Variants in TTC39A observed in about 807,000 individuals in gnomAD.
The protein encoded by TTC39A is tetratricopeptide repeat protein 39A.
TTC39A carries 46 observed loss-of-function variants against 82.3 expected under a neutral mutation model. The observed-to-expected ratio is 0.56, with a 90% CI of 0.44 to 0.71. The LOEUF (loss-of-function observed/expected upper bound fraction) is 0.71, where lower values mean the gene tolerates loss of function less well. Among genes scored for constraint, TTC39A ranks in the 30% least tolerant of loss-of-function variants. The pLI, the probability that TTC39A is intolerant of heterozygous loss-of-function variation, is 0.00. For missense variants in TTC39A, 543 were observed against 712.9 expected, an observed-to-expected ratio of 0.76 and a Z score of 2.71; for synonymous variants, 254 against 275.2, an observed-to-expected ratio of 0.92 and a Z score of 0.76.
At chr1:51,333,499 G>A (rs1462941460), upstream of TTC39A, among the ~76,000 whole-genome samples, 1 of 152,260 alleles carries the variant, frequency 6.6e-6, no homozygotes, top group African/African-American at 2.4e-5. Context: ...AGCTGTATTA[G>A]CTCCAGAGTA....
intron 1 of TTC39A, chr1:51,325,883 G>C (rs1645694542): frequency 6.6e-6 from 1 of 152,308 alleles, no homozygotes; most frequent in Non-Finnish European, 1.5e-5. Flanking sequence ...TGGACAGTCA[G>C]TGCAGACAGG....
intron 12 of TTC39A, chr1:51,298,490 C>T (rs1381169838): frequency 6.5e-6 from 1 of 152,826 alleles, no homozygotes; most frequent in African/African-American, 2.4e-5. Flanking sequence ...GGCTCATCTC[C>T]AAGAGTCTTC....
chr1:51,305,893 T>C, intron 7 of TTC39A, 84 bp downstream of exon 7: 2 of 1,363,238 alleles, frequency 1.5e-6, no homozygotes, highest in Admixed American at 1.7e-5. Context: ...CAGGGGCACT[T>C]GGCAGTGACC....
chr1:51,312,805 C>T lies in TTC39A; in HGVS notation c.278+7G>A, dbSNP rs772789831. 1.9e-6 allele frequency: 3 copies of T among 1,612,878 alleles called. No homozygotes were observed. The highest frequency in any genetic ancestry group is 4.5e-5 in the East Asian group (2 of 44,866). ...AACCTCTGATCCCTGCCCCCAATGCCCCCAACCTCTGACACAGCATCTGTG... is the reference window on the plus strand; with the variant it reads ...AACCTCTGATCCCTGCCCCCAATGCTCCCAACCTCTGACACAGCATCTGTG... On this transcript the variant is annotated splice_region_variant and intron_variant, in intron 3 of 17. Transcript: ENST00000680483.
chr1:51,317,978 G>GTT (rs1645356408), intron 2 of TTC39A, among the ~76,000 whole-genome samples: 1 of 152,186 alleles, frequency 6.6e-6, no homozygotes, highest in Non-Finnish European at 1.5e-5. Context: ...GGGCCACAGA[G>GTT]GGAAAAGCCC....
rs1386266656 is a variant in TTC39A, at chr1:51,322,076, A to G, written c.42-251T>C. 2.6e-6 allele frequency: 4 copies of G among 1,545,900 alleles called. No individual in the cohort carries two copies. In the African/African-American group the frequency reaches 4.1e-5, roughly 16 times the overall value. On this transcript the variant is annotated intron_variant, in intron 1 of 17. Transcript: ENST00000680483. ...ATCTGTTGGAGGTGGGGGAGGGGCCAAGGGCAAGGTGCAAAGAGGCCTCAG... is the reference window on the plus strand; with the variant it reads ...ATCTGTTGGAGGTGGGGGAGGGGCCGAGGGCAAGGTGCAAAGAGGCCTCAG...
upstream of TTC39A, chr1:51,331,601 C>G: frequency 4.1e-6 from 4 of 985,370 alleles, no homozygotes; most frequent in Non-Finnish European, 4.8e-6. Flanking sequence ...CCCAGGGGAG[C>G]CAGGCAGTTT....
upstream of TTC39A, chr1:51,331,040 A>T: frequency 1.2e-6 from 1 of 815,276 alleles, no homozygotes; most frequent in Non-Finnish European, 2.1e-6. Flanking sequence ...ACGGTTTAGC[A>T]CTCACTGCTA....
chr1:51,330,396 C>A lies in TTC39A; in HGVS notation c.41+41G>T, dbSNP rs975704401. 7.2e-6 allele frequency: 7 copies of A among 975,528 alleles called. No individual in the cohort carries two copies. Among genetic ancestry groups the A allele is most frequent in the African/African-American group, 1.8e-5 (1 of 56,494 alleles). 60.4% of individuals were successfully genotyped at this position (975,528 alleles called of 1,614,324 possible). ...CCCGCCACCTGCCCGGGCCCCAGCCCGCGCCGCCCGCGCCCCCGGGCCTCC... is the reference window on the plus strand; with the variant it reads ...CCCGCCACCTGCCCGGGCCCCAGCCAGCGCCGCCCGCGCCCCCGGGCCTCC... On this transcript the variant is annotated intron_variant, in intron 1 of 17. Transcript: ENST00000680483. The surrounding 1 kb of genome is among the most constrained non-coding windows in gnomAD (Gnocchi z 4.5).
Position 51,288,811 on chromosome 1 carries a change from G to T in TTC39A, c.1610+28C>A. 6.4e-7 allele frequency: 1 copy of T among 1,568,664 alleles called. No individual in the cohort carries two copies. Among genetic ancestry groups the T allele is most frequent in the Non-Finnish European group, 8.7e-7 (1 of 1,154,900 alleles). ...CTGAGCTGAGTTCAGAGGGAGCAAAGGACAGACTGAGGTTACCCAAGCCTT... is the reference window on the plus strand; with the variant it reads ...CTGAGCTGAGTTCAGAGGGAGCAAATGACAGACTGAGGTTACCCAAGCCTT... On this transcript the variant is annotated intron_variant, in intron 17 of 17. Coordinates refer to ENST00000680483, the MANE Select transcript of TTC39A (RefSeq NM_001297663.2). The surrounding 1 kb of genome is among the most constrained non-coding windows in gnomAD (Gnocchi z 4.8).
chr1:51,302,334 C>A, intron 11 of TTC39A, 23 bp downstream of exon 11: 2 of 1,587,252 alleles, frequency 1.3e-6, no homozygotes, highest in Non-Finnish European at 1.7e-6. Context: ...TCCCCAGCCC[C>A]GGCCCGGACC....
At chr1:51,293,635 C>T (rs967338838) in intron 14 of TTC39A, among the ~76,000 whole-genome samples, 2 of 152,224 alleles carry the variant, frequency 1.3e-5, no homozygotes, top group African/African-American at 4.8e-5. Context: ...AGCAGGCTTC[C>T]TTCTACTTTT....
chr1:51,328,162 A>G (rs968431664), intron 1 of TTC39A, among the ~76,000 whole-genome samples: 2 of 152,216 alleles, frequency 1.3e-5, no homozygotes, highest in African/African-American at 4.8e-5. Context: ...AGTCTGGGCA[A>G]CAAAGTGAGA....
intron 2 of TTC39A, among the ~76,000 whole-genome samples, chr1:51,318,753 G>T (rs1415842405): frequency 1.3e-5 from 2 of 152,184 alleles, no homozygotes; most frequent in African/African-American, 4.8e-5. Flanking sequence ...CTCTGTCCAG[G>T]CTGAGAAATG....
chr1:51,302,713 G>A (rs1345693133), intron 9 of TTC39A, 140 bp from the exon 10 acceptor site: 2 of 943,398 alleles, frequency 2.1e-6, no homozygotes, highest in Non-Finnish European at 3.3e-6. Flanking sequence ...TCCCTAGGGT[G>A]ACATGAGGAT....
In TTC39A at chr1:51,305,980, G is replaced by A; in HGVS notation, c.585C>T (p.Asn195=). 2 of 1,613,916 alleles carry A rather than the reference G, an allele frequency of 1.2e-6. No homozygotes were observed. Among genetic ancestry groups the A allele is most frequent in the Non-Finnish European group, 1.7e-6 (2 of 1,179,812 alleles). ...GAAATGGAGGAGGAGCACTCACCAG[G>A]TTGAAGGCCCCTACACCAAGCTTCA... ...GGVKLGVGAF[N]LTLSMLPTRI... The change falls in exon 7 of 18, where the codon AAC becomes AAT. Residue 195 remains asparagine, a synonymous_variant. Coordinates refer to ENST00000680483, the MANE Select transcript of TTC39A (RefSeq NM_001297663.2).
upstream of TTC39A, chr1:51,334,832 T>A (rs1645954643): frequency 6.6e-6 from 1 of 152,266 alleles, no homozygotes. Context: ...CAGCGAACAG[T>A]GATGCTAGAG....
chr1:51,330,214 G>T lies in TTC39A; in HGVS notation c.41+223C>A, dbSNP rs1321689999. On this transcript the variant is annotated intron_variant, in intron 1 of 17. Coordinates refer to ENST00000680483, the MANE Select transcript of TTC39A (RefSeq NM_001297663.2). The surrounding 1 kb of genome is among the most constrained non-coding windows in gnomAD (Gnocchi z 4.5). ...CCGTGAGAAAGTTGGGACCCAGAAG[G>T]TGAGTGACCGACCCGGGGTCCCCGC... 9 of 985,380 alleles carry T rather than the reference G, an allele frequency of 9.1e-6. No homozygotes were observed. The African/African-American group carries it at 1.6e-4, about 17-fold the overall frequency. 61.0% of individuals were successfully genotyped at this position (985,380 alleles called of 1,614,324 possible).
chr1:51,330,807 T>C (rs1645891359), upstream of TTC39A: 1 of 409,118 alleles, frequency 2.4e-6, no homozygotes, highest in Non-Finnish European at 4.4e-6. The surrounding 1 kb of genome is among the most constrained non-coding windows in gnomAD (Gnocchi z 4.5). Context: ...TCCCCACCTA[T>C]TTGGCGCTAG....
Sources: allele counts gnomAD v4.1 joint callset (sites outside exome capture counted in the v4.1 genomes callset), GRCh38; gene constraint gnomAD v4.1.1; non-coding constraint Gnocchi (gnomAD v3.1); transcripts MANE v1.5; gene names NCBI Gene and HGNC (gene_info 2026-07-23, HGNC 2026-07-21).